FAF1: variants seen among roughly 807,000 people sequenced by gnomAD.
FAF1 encodes Fas associated factor 1.
A neutral mutation model predicts 92.5 loss-of-function variants in FAF1; 25 were observed. The observed-to-expected ratio is 0.27, with a 90% CI of 0.20 to 0.38. The LOEUF (loss-of-function observed/expected upper bound fraction) is 0.38, where lower values mean the gene tolerates loss of function less well. Ranked by LOEUF, FAF1 falls within the 10% of genes least tolerant of loss-of-function variation. The pLI is 1.00. For synonymous variants in FAF1, 234 were observed against 273.2 expected (o/e 0.86, Z 1.42); for missense variants, 636 against 793.3 (o/e 0.80, Z 2.38).
intron 1 of FAF1, among the ~76,000 whole-genome samples, chr1:50,909,758 T>C (rs1320817462): frequency 1.3e-5 from 2 of 152,258 alleles, no homozygotes; most frequent in African/African-American, 4.8e-5. Flanking sequence ...ACGCTGTTTA[T>C]TCTGGTTAGC....
intron 7 of FAF1, among the ~76,000 whole-genome samples, chr1:50,659,602 A>T (rs1655283204): frequency 6.6e-6 from 1 of 151,690 alleles, no homozygotes. Flanking sequence ...TTTTTTTTTG[A>T]TCAGCATTGG....
chr1:50,733,400 C>G (rs556569270), intron 6 of FAF1, among the ~76,000 whole-genome samples: 1 of 152,316 alleles, frequency 6.6e-6, no homozygotes, highest in Non-Finnish European at 1.5e-5. Flanking sequence ...CATTTCAACA[C>G]TTAATCCCTG....
At chr1:50,798,760 T>G (rs1661859648) in intron 3 of FAF1, among the ~76,000 whole-genome samples, 1 of 152,220 alleles carries the variant, frequency 6.6e-6, no homozygotes, top group Non-Finnish European at 1.5e-5. Context: ...TGAGGAAGAA[T>G]AATATCTGCC....
rs931840834 is a variant in FAF1 at position 50,826,487 on chromosome 1, T to C, written c.115-24810A>G. ...ATCACTTGCACCTGGGAGGCAGAGA[T>C]TGCAGTGAGCTAAGATCGTGCCACT... On this transcript the variant is annotated intron_variant, in intron 2 of 18. Transcript: ENST00000396153. 2.6e-5 allele frequency among the ~76,000 whole-genome samples: 4 copies of C among 151,882 alleles called. No homozygotes were observed. The East Asian group carries it at 5.8e-4, about 22-fold the overall frequency.
intron 1 of FAF1, among the ~76,000 whole-genome samples, chr1:50,927,094 G>C (rs1356785862): frequency 6.6e-6 from 1 of 152,178 alleles, no homozygotes; most frequent in East Asian, 1.9e-4. Context: ...TTAATGTTTA[G>C]AAGCAGAAAG....
chr1:50,868,852 T>C (rs150268789), intron 1 of FAF1, among the ~76,000 whole-genome samples: 399 of 152,334 alleles, frequency 2.6e-3, no homozygotes, highest in Non-Finnish European at 4.1e-3. Context: ...CATATGCATA[T>C]AAATGTGTAT....
intron 13 of FAF1, among the ~76,000 whole-genome samples, chr1:50,548,276 G>T (rs929150204): frequency 6.6e-6 from 1 of 152,092 alleles, no homozygotes; most frequent in Non-Finnish European, 1.5e-5. Context: ...TATTACTGGG[G>T]CCTACATTTA....
chr1:50,816,582 G>T (rs1643978699), intron 2 of FAF1, among the ~76,000 whole-genome samples: 1 of 152,000 alleles, frequency 6.6e-6, no homozygotes, highest in Non-Finnish European at 1.5e-5. Context: ...TGGATATTAG[G>T]CCTTTGTCAG....
intron 8 of FAF1, among the ~76,000 whole-genome samples, chr1:50,607,825 G>A (rs1222456777): frequency 1.3e-5 from 2 of 152,226 alleles, no homozygotes; most frequent in Non-Finnish European, 2.9e-5. Flanking sequence ...GTTCCTAAGG[G>A]GAGACCCAGA....
Position 50,457,491 on chromosome 1 carries a change from C to T in FAF1, c.1870-15968G>A, listed in dbSNP as rs78176135. Among the ~76,000 whole-genome samples, 1,494 of 152,162 alleles carry T rather than the reference C, an allele frequency of 9.8e-3. 24 individuals are homozygous for T. Among genetic ancestry groups the T allele is most frequent in the African/African-American group, 0.034 (1,420 of 41,510 alleles). On this transcript the variant is annotated intron_variant, in intron 18 of 18. Transcript: ENST00000396153. ...TTATACAGACTTTAAGTGAGCAAAG[C>T]GTGTCTGCGAAAGCAACTAGAATAC...
intron 6 of FAF1, among the ~76,000 whole-genome samples, chr1:50,716,934 G>C (rs564388596): frequency 6.6e-6 from 1 of 152,120 alleles, no homozygotes; most frequent in Non-Finnish European, 1.5e-5. Flanking sequence ...TCACTCTTTG[G>C]GTCTGCACCA....
chr1:50,779,398 T>C (rs1432523588), intron 4 of FAF1, among the ~76,000 whole-genome samples: 1 of 152,176 alleles, frequency 6.6e-6, no homozygotes, highest in African/African-American at 2.4e-5. Context: ...GAAGAATCAC[T>C]ACATATGGCA....
chr1:50,593,302 G>A (rs996029515), intron 9 of FAF1, among the ~76,000 whole-genome samples: 2 of 152,118 alleles, frequency 1.3e-5, no homozygotes, highest in African/African-American at 2.4e-5. Flanking sequence ...CTGCTGATGG[G>A]ACCACCCAAA....
At chr1:50,768,876 G>C (rs576286176) in intron 4 of FAF1, among the ~76,000 whole-genome samples, 26 of 151,898 alleles carry the variant, frequency 1.7e-4, no homozygotes, top group African/African-American at 6.3e-4. Context: ...ATCACACCTA[G>C]AGGAACTAAA....
chr1:50,628,260 G>A (rs945903166), intron 8 of FAF1, among the ~76,000 whole-genome samples: 1 of 152,026 alleles, frequency 6.6e-6, no homozygotes, highest in African/African-American at 2.4e-5. Flanking sequence ...GAAGGTGATG[G>A]GGTACAGAAC....
intron 15 of FAF1, among the ~76,000 whole-genome samples, chr1:50,519,485 AAG>A (rs1318908379): frequency 2.6e-5 from 4 of 151,772 alleles, no homozygotes; most frequent in Non-Finnish European, 4.4e-5. Context: ...GAAGGAAAGA[AAG>A]AAAATAGTTT....
intron 8 of FAF1, among the ~76,000 whole-genome samples, chr1:50,639,528 C>G (rs1283349309): frequency 6.6e-6 from 1 of 152,154 alleles, no homozygotes; most frequent in African/African-American, 2.4e-5. Flanking sequence ...GGTTGATGTT[C>G]CAATGTTGCA....
intron 4 of FAF1, among the ~76,000 whole-genome samples, chr1:50,768,294 A>G (rs1660653045): frequency 6.6e-6 from 1 of 152,202 alleles, no homozygotes; most frequent in Non-Finnish European, 1.5e-5. Context: ...GGATTCATAT[A>G]GCAAGTTCTT....
intron 1 of FAF1, among the ~76,000 whole-genome samples, chr1:50,873,119 A>C (rs1466947327): frequency 6.6e-6 from 1 of 152,200 alleles, no homozygotes; most frequent in African/African-American, 2.4e-5. Context: ...CTGAAGGCTC[A>C]GGTGATAATT....
Sources: allele counts gnomAD v4.1 joint callset (sites outside exome capture counted in the v4.1 genomes callset), GRCh38; gene constraint gnomAD v4.1.1; transcripts MANE v1.5; gene names NCBI Gene and HGNC (gene_info 2026-07-23, HGNC 2026-07-21).